Variants in BEND2 observed in about 807,000 individuals in gnomAD.
BEND2 encodes the protein BEN domain-containing protein 2.
In BEND2, 19 loss-of-function variants were observed where a neutral mutation model predicts 43.8. That is an observed-to-expected ratio of 0.43 (90% CI 0.30 to 0.64). The LOEUF (loss-of-function observed/expected upper bound fraction) is 0.64. BEND2 is among the 30% of genes least tolerant of loss of function. BEND2 has a pLI of 0.11. For missense variants in BEND2, 544 were observed against 574.0 expected (o/e 0.95, Z 0.53); for synonymous variants, 226 against 210.1 (o/e 1.08, Z -0.66).
chrX:18,174,802 G>T (rs1924092067), intron 11 of BEND2, among the ~76,000 whole-genome samples: 1 of 109,509 alleles, frequency 9.1e-6, no homozygotes, highest in Non-Finnish European at 1.9e-5. Context: ...TGCACCCAGG[G>T]TTGACAACCA....
chrX:18,220,682 T>C (rs777269890), intron 1 of BEND2, 44 bp downstream of exon 1: 2 of 1,206,760 alleles, frequency 1.7e-6, no homozygotes, highest in Non-Finnish European at 1.1e-6. Flanking sequence ...TTGACAGAAC[T>C]TGAGGCCCAA....
Position 18,195,348 on chromosome X carries a change from A to G in BEND2, c.1128T>C (p.Asn376=). Residue 376 remains asparagine, a synonymous_variant, in exon 7 of 14, where the codon AAT becomes AAC. Transcript: ENST00000380033. ...QTVYYPALSG[N]TSAPYPASSY... is the part of the protein sequence containing the mutation. Reference sequence around the variant, plus strand: ...AAGAGGCTGGATATGGGGCACTCGTATTTCCCGATAAAGCTGGGTAATACA... The same window carrying G: ...AAGAGGCTGGATATGGGGCACTCGTGTTTCCCGATAAAGCTGGGTAATACA... 8.3e-7 allele frequency: 1 copy of G among 1,208,823 alleles called. No homozygotes were observed.
intron 1 of BEND2, among the ~76,000 whole-genome samples, chrX:18,218,045 G>A (rs1925729235): frequency 9.1e-6 from 1 of 109,955 alleles, no homozygotes; most frequent in Admixed American, 9.8e-5. Flanking sequence ...TGAGGTTGCA[G>A]TGAGCCAGGA....
At chrX:18,193,189 A>T (rs1362672397) in intron 7 of BEND2, among the ~76,000 whole-genome samples, 1 of 110,201 alleles carries the variant, frequency 9.1e-6, no homozygotes, top group Non-Finnish European at 1.9e-5. Flanking sequence ...GTGGTGTCAC[A>T]TGCCTGTAAT....
intron 6 of BEND2, among the ~76,000 whole-genome samples, chrX:18,196,538 T>C (rs1356470659): frequency 3.7e-5 from 4 of 109,421 alleles, no homozygotes; most frequent in African/African-American, 1.0e-4. Flanking sequence ...TTAGTCCTAA[T>C]ACCAAAGAGT....
chrX:18,198,692 C>T (rs1245772776), intron 6 of BEND2, among the ~76,000 whole-genome samples: 2 of 110,847 alleles, frequency 1.8e-5, no homozygotes, highest in African/African-American at 6.6e-5. Context: ...CCCAGCCATC[C>T]CATTACTGGG....
At chrX:18,185,888 C>T (rs947633920) in intron 8 of BEND2, among the ~76,000 whole-genome samples, 1 of 110,740 alleles carries the variant, frequency 9.0e-6, no homozygotes, top group Non-Finnish European at 1.9e-5. Context: ...ATCCTTCAAA[C>T]ATGAAGGAGA....
At chrX:18,202,301 C>G (rs182514116) in intron 5 of BEND2, among the ~76,000 whole-genome samples, 80 of 112,181 alleles carry the variant, frequency 7.1e-4, no homozygotes, top group African/African-American at 2.5e-3. Flanking sequence ...ATGCATATGT[C>G]CAAACTCATT....
In BEND2 at chrX:18,174,225, G is replaced by C. The variant is rs750822250; in HGVS notation, c.1786C>G (p.Arg596Gly). Residue 596 changes from arginine (R) to glycine (G), a missense_variant, in exon 12 of 14, where the codon CGT (arginine) becomes GGT (glycine). Physicochemically the swap from Arg to Gly is moderately radical, Grantham distance 125. This residue lies in a region of BEND2 where 501 missense variants were observed against 501.6 expected (regional missense o/e 1.00). Coordinates refer to ENST00000380033, the MANE Select transcript of BEND2 (RefSeq NM_153346.5). ...CTATCTGCAGATGCCGATGCAACACGGTTGGTACGTTTTTTATTTTTGCGA... is the reference window on the plus strand; with the variant it reads ...CTATCTGCAGATGCCGATGCAACACCGTTGGTACGTTTTTTATTTTTGCGA... ...TVRKNKKRTNRVASASADRND... is the reference protein window; with the variant it reads ...TVRKNKKRTNGVASASADRND... 8.3e-7 allele frequency: 1 copy of C among 1,209,320 alleles called. No homozygotes were observed. Among genetic ancestry groups the C allele is most frequent in the Non-Finnish European group, 1.1e-6 (1 of 894,976 alleles).
intron 12 of BEND2, among the ~76,000 whole-genome samples, chrX:18,172,479 G>T (rs1924003738): frequency 9.0e-6 from 1 of 110,972 alleles, no homozygotes; most frequent in Non-Finnish European, 1.9e-5. Flanking sequence ...ATCACCTGAG[G>T]TCAGGAGTTC....
At chrX:18,182,193 C>A (rs925708658) in intron 8 of BEND2, among the ~76,000 whole-genome samples, 1 of 111,082 alleles carries the variant, frequency 9.0e-6, no homozygotes, top group Non-Finnish European at 1.9e-5. Context: ...GCACAGATTT[C>A]CCCCTTGCTG....
At chrX:18,200,373 C>T (rs928945156) in intron 6 of BEND2, among the ~76,000 whole-genome samples, 1 of 109,213 alleles carries the variant, frequency 9.2e-6, no homozygotes, top group African/African-American at 3.3e-5. Context: ...CGTGGTGGCA[C>T]ACACTTGTAA....
intron 6 of BEND2, among the ~76,000 whole-genome samples, chrX:18,197,549 C>G (rs1452111812): frequency 5.4e-5 from 6 of 111,885 alleles, no homozygotes; most frequent in African/African-American, 1.9e-4. Context: ...TGAAATTCAC[C>G]AAAATTAGGT....
At chrX:18,202,867 C>T (rs1925210544) in intron 5 of BEND2, among the ~76,000 whole-genome samples, 1 of 111,370 alleles carries the variant, frequency 9.0e-6, no homozygotes, top group Admixed American at 9.6e-5. Flanking sequence ...TACTAATAGT[C>T]AAAAACTGGA....
At chrX:18,213,233 G>A (rs1202925619) in intron 3 of BEND2, among the ~76,000 whole-genome samples, 2 of 112,219 alleles carry the variant, frequency 1.8e-5, no homozygotes, top group Non-Finnish European at 3.8e-5. Context: ...GATGTGAAAT[G>A]TAAGCCAAAC....
intron 11 of BEND2, 76 bp downstream of exon 11, chrX:18,175,896 C>T: frequency 1.1e-6 from 1 of 947,705 alleles, no homozygotes; most frequent in Non-Finnish European, 1.4e-6. Flanking sequence ...GACTGTGCCT[C>T]ATGCTATCAG....
intron 12 of BEND2, among the ~76,000 whole-genome samples, chrX:18,172,721 T>C (rs1924013897): frequency 9.0e-6 from 1 of 110,898 alleles, no homozygotes; most frequent in Non-Finnish European, 1.9e-5. Context: ...TGAATGAAGA[T>C]GGTTTTTTTG....
At chrX:18,202,059 A>G in intron 5 of BEND2, 119 bp from the exon 6 acceptor site, 1 of 755,616 alleles carries the variant, frequency 1.3e-6, no homozygotes, top group Non-Finnish European at 1.9e-6. Context: ...AAAGGAAAAC[A>G]AAAAGAATTT....
chrX:18,176,735 C>T (rs945087496), intron 10 of BEND2, among the ~76,000 whole-genome samples: 1 of 111,026 alleles, frequency 9.0e-6, no homozygotes, highest in African/African-American at 3.3e-5. Flanking sequence ...GGTGCTCAGA[C>T]CATTTAATAA....
Sources: gnomAD v4.1 joint callset for allele counts (sites outside exome capture counted in the v4.1 genomes callset) on GRCh38, gnomAD v4.1.1 for gene constraint, gnomAD v4.1.1 regional missense constraint, MANE v1.5 for transcripts, NCBI Gene and HGNC (gene_info 2026-07-23, HGNC 2026-07-21) for gene names.